CAPZB: variants seen among roughly 807,000 people sequenced by gnomAD.
CAPZB encodes the protein F-actin-capping protein subunit beta.
Under a neutral mutation model 38.1 loss-of-function variants are expected in CAPZB, and 2 were observed. That is an observed-to-expected ratio of 0.05 (90% CI 0.02 to 0.17). The LOEUF (loss-of-function observed/expected upper bound fraction) is 0.17. CAPZB is among the 10% of genes least tolerant of loss of function. The probability of loss-of-function intolerance (pLI) is 1.00; values close to 1 mark genes in which losing one functional copy is unlikely to be tolerated. For synonymous variants in CAPZB, 107 were observed against 127.4 expected (o/e 0.84, Z 1.08); for missense variants, 161 against 334.2 (o/e 0.48, Z 4.04).
intron 1 of CAPZB, among the ~76,000 whole-genome samples, chr1:19,469,608 C>T (rs982676595): frequency 1.3e-5 from 2 of 151,972 alleles, no homozygotes; most frequent in Admixed American, 6.6e-5. Flanking sequence ...GGCAGTGAGG[C>T]GGCGGCCACG....
At chr1:19,352,937 G>A (rs1355033406) in intron 6 of CAPZB, among the ~76,000 whole-genome samples, 2 of 151,870 alleles carry the variant, frequency 1.3e-5, no homozygotes, top group Non-Finnish European at 2.9e-5. Flanking sequence ...ACCACCAGCC[G>A]CCTACACTGG....
intron 1 of CAPZB, among the ~76,000 whole-genome samples, chr1:19,455,194 G>T (rs965262823): frequency 3.3e-5 from 5 of 152,200 alleles, no homozygotes; most frequent in South Asian, 2.1e-4. Context: ...TGGGTTAAGG[G>T]GAAACAAAGG....
At chr1:19,475,632 G>A (rs2094604242) in intron 1 of CAPZB, among the ~76,000 whole-genome samples, 1 of 152,218 alleles carries the variant, frequency 6.6e-6, no homozygotes, top group African/African-American at 2.4e-5. Context: ...GGCCCTAGGA[G>A]AAGCCAGGCT....
chr1:19,425,914 C>T (rs1361889339), intron 1 of CAPZB, among the ~76,000 whole-genome samples: 1 of 152,218 alleles, frequency 6.6e-6, no homozygotes, highest in Non-Finnish European at 1.5e-5. Flanking sequence ...ACAACAATGT[C>T]AATGTCAGAG....
intron 1 of CAPZB, among the ~76,000 whole-genome samples, chr1:19,450,143 C>CAA (rs1558272763): frequency 1.5e-4 from 6 of 39,036 alleles, no homozygotes; most frequent in Non-Finnish European, 3.1e-4. Flanking sequence ...GACCCTGTCT[C>CAA]CAAAAAAAAA....
intron 1 of CAPZB, among the ~76,000 whole-genome samples, chr1:19,459,414 A>G (rs1484567818): frequency 6.6e-6 from 1 of 152,248 alleles, no homozygotes; most frequent in East Asian, 1.9e-4. Context: ...TTGCAGGCAG[A>G]AAGACAATTC....
At chr1:19,484,158 G>A (rs778626088) in intron 1 of CAPZB, 2 of 1,603,322 alleles carry the variant, frequency 1.2e-6, no homozygotes, top group African/African-American at 1.3e-5. Context: ...ACCACGAGCG[G>A]AGCCAGCACT....
intron 2 of CAPZB, among the ~76,000 whole-genome samples, chr1:19,398,942 C>T (rs951280529): frequency 6.6e-6 from 1 of 151,680 alleles, no homozygotes; most frequent in Non-Finnish European, 1.5e-5. Context: ...CCGCAACCTC[C>T]GCCTCCCAGG....
intron 2 of CAPZB, among the ~76,000 whole-genome samples, chr1:19,395,176 C>T (rs2094260075): frequency 6.6e-6 from 1 of 152,204 alleles, no homozygotes; most frequent in African/African-American, 2.4e-5. Flanking sequence ...TCTGTACCTG[C>T]TCATATGAGG....
At chr1:19,378,496 C>T (rs2094154990) in intron 4 of CAPZB, 44 bp downstream of exon 4, 1 of 1,130,218 alleles carries the variant, frequency 8.8e-7, no homozygotes, top group African/African-American at 1.5e-5. Context: ...ATTTACCTCT[C>T]AAAACTCACA....
intron 1 of CAPZB, among the ~76,000 whole-genome samples, chr1:19,446,607 C>T (rs767729577): frequency 1.4e-5 from 2 of 142,480 alleles, no homozygotes; most frequent in Non-Finnish European, 3.1e-5. Context: ...GCCCACTGCT[C>T]TACCCACTGC....
At chr1:19,364,051 AC>A (rs958094736) in intron 4 of CAPZB, among the ~76,000 whole-genome samples, 3 of 152,164 alleles carry the variant, frequency 2.0e-5, no homozygotes, top group African/African-American at 7.2e-5. Context: ...GGCCTGAGAT[AC>A]CTGTGACGCT....
At chr1:19,427,899 GT>G (rs367662838) in intron 1 of CAPZB, among the ~76,000 whole-genome samples, 6 of 152,130 alleles carry the variant, frequency 3.9e-5, no homozygotes, top group Non-Finnish European at 8.8e-5. Context: ...TTAAATTGAG[GT>G]TTTTTTGTTT....
At chr1:19,423,350 G>A (rs1011290717) in intron 1 of CAPZB, among the ~76,000 whole-genome samples, 12 of 152,000 alleles carry the variant, frequency 7.9e-5, no homozygotes, top group Admixed American at 2.0e-4. Context: ...AACAGGAAAC[G>A]GTACCGGAGA....
At chr1:19,446,184 C>A (rs1462486871) in intron 1 of CAPZB, among the ~76,000 whole-genome samples, 2 of 152,160 alleles carry the variant, frequency 1.3e-5, no homozygotes, top group African/African-American at 4.8e-5. Context: ...TAAAGCCAGG[C>A]CAAAGGAAAA....
intron 1 of CAPZB, among the ~76,000 whole-genome samples, chr1:19,428,522 G>A (rs570837304): frequency 3.9e-5 from 6 of 152,190 alleles, no homozygotes; most frequent in African/African-American, 1.2e-4. Context: ...TGCTTTATGT[G>A]TCTCTCTCTT....
At chr1:19,377,019 T>C (rs1558200071) in intron 4 of CAPZB, among the ~76,000 whole-genome samples, 1 of 152,250 alleles carries the variant, frequency 6.6e-6, no homozygotes, top group Non-Finnish European at 1.5e-5. Context: ...GAGGCCCACT[T>C]GCATGGCCAC....
chr1:19,372,765 G>A (rs1055490220), intron 4 of CAPZB, among the ~76,000 whole-genome samples: 3 of 152,062 alleles, frequency 2.0e-5, no homozygotes, highest in Non-Finnish European at 2.9e-5. Context: ...CGGCCCGCTC[G>A]GCTGTCTTCC....
chr1:19,382,549 T>C (rs1300498627), intron 3 of CAPZB, among the ~76,000 whole-genome samples: 1 of 152,126 alleles, frequency 6.6e-6, no homozygotes, highest in Non-Finnish European at 1.5e-5. Flanking sequence ...AAGTTTCATA[T>C]CGAGAAGAGG....
Sources: gnomAD v4.1 joint callset for allele counts (sites outside exome capture counted in the v4.1 genomes callset) on GRCh38, gnomAD v4.1.1 for gene constraint, MANE v1.5 for transcripts, NCBI Gene and HGNC (gene_info 2026-07-23, HGNC 2026-07-21) for gene names.